Variants in UPP2 observed in about 807,000 individuals in gnomAD.
UPP2 encodes the protein uridine phosphorylase 2.
UPP2 carries 23 observed loss-of-function variants against 26.7 expected under a neutral mutation model. The ratio of observed to expected loss-of-function variants is 0.86; its 90% CI spans 0.62 to 1.22. The LOEUF is 1.22. Among genes scored for constraint, UPP2 ranks in the 50% most tolerant of loss-of-function variants. UPP2 has a pLI of 0.00. For synonymous variants in UPP2, 127 were observed against 141.3 expected (o/e 0.90, Z 0.72); for missense variants, 387 against 396.7 (o/e 0.98, Z 0.21).
intron 2 of UPP2, among the ~76,000 whole-genome samples, chr2:158,013,602 T>C (rs891997572): frequency 2.0e-5 from 3 of 152,182 alleles, no homozygotes; most frequent in African/African-American, 7.2e-5. Flanking sequence ...AGCAGTGTAA[T>C]TTGGCAACTC....
At chr2:158,013,767 A>G (rs993894820) in intron 2 of UPP2, among the ~76,000 whole-genome samples, 3 of 152,234 alleles carry the variant, frequency 2.0e-5, no homozygotes, top group African/African-American at 7.2e-5. Context: ...AAGCAGCAGT[A>G]AAACCTAAAG....
intron 6 of UPP2, among the ~76,000 whole-genome samples, chr2:158,132,412 C>T (rs1252196104): frequency 6.6e-6 from 1 of 152,148 alleles, no homozygotes; most frequent in Non-Finnish European, 1.5e-5. Flanking sequence ...TTGGCTCTGA[C>T]CAGCTGTGTA....
chr2:157,995,184 T>C, exon 2 of UPP2: 1 of 1,613,598 alleles, frequency 6.2e-7, no homozygotes, highest in Non-Finnish European at 8.5e-7. Flanking sequence ...TCCTAGGGAC[T>C]TCACCAGTGC....
In UPP2 at chr2:158,115,074, C is replaced by T. The variant is rs199939652; in HGVS notation, c.181-27C>T. 1.3e-5 allele frequency: 20 copies of T among 1,573,478 alleles called. No individual in the cohort carries two copies. In the East Asian group the frequency reaches 4.1e-4, roughly 32 times the overall value. On this transcript the variant is annotated intron_variant, in intron 2 of 6. Coordinates refer to ENST00000005756, the MANE Select transcript of UPP2 (RefSeq NM_173355.4). ...GTGGTTCTTATCCCAGTTACTATGG[C>T]AGGCCCTTGTTTATTTTTATTAACA...
In UPP2 at chr2:158,111,465, T is replaced by C. The variant is rs377603810; in HGVS notation, c.181-3636T>C. On this transcript the variant is annotated intron_variant, in intron 2 of 6. Coordinates refer to ENST00000005756, the MANE Select transcript of UPP2 (RefSeq NM_173355.4). The stretch of plus-strand genomic sequence containing the variant: ...TCCATTCTTTTACTTTTAATCTGCC[T>C]GTATCATTATCATTATAGACAGCAT... Among the ~76,000 whole-genome samples, 24 of 152,298 alleles carry C rather than the reference T, an allele frequency of 1.6e-4. No homozygotes were observed. The South Asian group carries it at 4.8e-3, about 30-fold the overall frequency.
At chr2:158,020,504 T>G (rs2105147992) in intron 3 of UPP2, among the ~76,000 whole-genome samples, 1 of 152,144 alleles carries the variant, frequency 6.6e-6, no homozygotes, top group Middle Eastern at 3.4e-3. Flanking sequence ...AAATTGATCT[T>G]CTCCTAGTTC....
intron 3 of UPP2, among the ~76,000 whole-genome samples, chr2:158,117,457 G>A (rs1234342592): frequency 2.0e-5 from 3 of 151,952 alleles, no homozygotes; most frequent in Non-Finnish European, 4.4e-5. Flanking sequence ...TCAAAATCAA[G>A]TCAATCGTGC....
intron 3 of UPP2, among the ~76,000 whole-genome samples, chr2:158,033,651 T>C (rs1456979536): frequency 6.6e-6 from 1 of 152,120 alleles, no homozygotes; most frequent in African/African-American, 2.4e-5. Flanking sequence ...ACTAGTTCTA[T>C]GCAAGATCTA....
intron 3 of UPP2, among the ~76,000 whole-genome samples, chr2:158,031,409 C>T (rs1270365873): frequency 2.0e-5 from 3 of 152,180 alleles, no homozygotes; most frequent in Non-Finnish European, 4.4e-5. Flanking sequence ...ATTGTTTCTT[C>T]CTGGTGGTTT....
rs114306434 is a variant in UPP2, at chr2:158,083,005, G to A, written c.148-19035G>A. 8.4e-3 allele frequency among the ~76,000 whole-genome samples: 1,278 copies of A among 152,294 alleles called. 24 individuals are homozygous for A. The highest frequency in any genetic ancestry group is 0.028 in the African/African-American group (1,168 of 41,546). ...GAAATTCAAATCAAAACTACAATGA[G>A]ATGCCATCTTACATCAGTTAGAATG... On this transcript the variant is annotated intron_variant, in intron 3 of 9. Coordinates refer to the UPP2 transcript ENST00000605860.
chr2:157,995,386 T>C, intron 2 of UPP2: 3 of 1,037,422 alleles, frequency 2.9e-6, no homozygotes, highest in Non-Finnish European at 4.3e-6. Flanking sequence ...TTCCATCAAC[T>C]GGCACAAATA....
intron 3 of UPP2, among the ~76,000 whole-genome samples, chr2:158,060,083 C>A (rs761488984): frequency 6.6e-6 from 1 of 152,022 alleles, no homozygotes; most frequent in Admixed American, 6.6e-5. Flanking sequence ...TGTGTGTGTG[C>A]GTGCATGCAT....
chr2:158,102,490 A>G (rs751004549), intron 1 of UPP2, among the ~76,000 whole-genome samples: 111 of 152,324 alleles, frequency 7.3e-4, no homozygotes, highest in Non-Finnish European at 6.5e-4. Context: ...GAAATAATTA[A>G]AAGGGCCTCC....
chr2:158,115,514 C>T (rs1285264035), intron 3 of UPP2, among the ~76,000 whole-genome samples: 3 of 152,116 alleles, frequency 2.0e-5, no homozygotes, highest in African/African-American at 7.2e-5. Context: ...TTTCTCTTTA[C>T]TTTGTAACTG....
chr2:158,069,138 C>A (rs756336524), intron 3 of UPP2, among the ~76,000 whole-genome samples: 4 of 151,908 alleles, frequency 2.6e-5, no homozygotes. Flanking sequence ...AGAGGCTAGT[C>A]GCCTCTGGAA....
intron 3 of UPP2, among the ~76,000 whole-genome samples, chr2:158,095,262 C>T (rs944089655): frequency 1.3e-5 from 2 of 152,132 alleles, no homozygotes. Flanking sequence ...AGCTTTAGGA[C>T]TGGGCCATCA....
intron 1 of UPP2, 50 bp from the exon 2 acceptor site, chr2:158,106,049 C>T (rs1250691496): frequency 7.3e-7 from 1 of 1,375,304 alleles, no homozygotes; most frequent in Middle Eastern, 2.0e-4. Context: ...TTCTTGTGAG[C>T]TTTCTCTCAA....
intron 2 of UPP2, among the ~76,000 whole-genome samples, chr2:158,008,994 C>T (rs1683535573): frequency 6.6e-6 from 1 of 152,080 alleles, no homozygotes; most frequent in Non-Finnish European, 1.5e-5. Flanking sequence ...TCTTTAATAG[C>T]TTTTTATCAC....
rs550607193 is a variant in UPP2, at chr2:158,093,362, G to A, written c.148-8678G>A. Reference sequence around the variant, plus strand: ...AAATATATCAGGAATCACAGTATTTGTAAATGTATTAAACATAGATAAAAG... The same window carrying A: ...AAATATATCAGGAATCACAGTATTTATAAATGTATTAAACATAGATAAAAG... On this transcript the variant is annotated intron_variant, in intron 3 of 9. Transcript: ENST00000605860. 1.6e-4 allele frequency among the ~76,000 whole-genome samples: 25 copies of A among 151,698 alleles called. No individual in the cohort carries two copies. The South Asian group carries it at 5.0e-3, about 30-fold the overall frequency.
Sources: gnomAD v4.1 joint callset for allele counts (sites outside exome capture counted in the v4.1 genomes callset) on GRCh38, gnomAD v4.1.1 for gene constraint, MANE v1.5 for transcripts, NCBI Gene and HGNC (gene_info 2026-07-23, HGNC 2026-07-21) for gene names.